NOS1AP: variants seen among roughly 807,000 people sequenced by gnomAD.
NOS1AP encodes the protein carboxyl-terminal PDZ ligand of neuronal nitric oxide synthase protein.
NOS1AP carries 21 observed loss-of-function variants against 56.2 expected under a neutral mutation model. The ratio of observed to expected loss-of-function variants is 0.37; its 90% CI spans 0.26 to 0.54. The LOEUF (loss-of-function observed/expected upper bound fraction) is 0.54, where lower values mean the gene tolerates loss of function less well. Ranked by LOEUF, NOS1AP falls within the 20% of genes least tolerant of loss-of-function variation. NOS1AP has a pLI of 0.84. For synonymous variants in NOS1AP, 270 were observed against 274.6 expected (o/e 0.98, Z 0.17); for missense variants, 522 against 657.8 (o/e 0.79, Z 2.26).
chr1:162,363,846 A>C (rs928129229), intron 8 of NOS1AP: 1 of 985,340 alleles, frequency 1.0e-6, no homozygotes, highest in African/African-American at 1.7e-5. Context: ...CTTGACCAAA[A>C]TATCAGTTCT....
chr1:162,304,780 CTGTGTGTGTGTGTGTG>C (rs3055849), intron 4 of NOS1AP, among the ~76,000 whole-genome samples: 1 of 146,092 alleles, frequency 6.8e-6, no homozygotes, highest in Non-Finnish European at 1.5e-5. Flanking sequence ...ATTTTTATAT[CTGTGTGTGTGTGTGTG>C]TGTGTGTGTG....
At chr1:162,152,384 A>C (rs1649753844) in intron 1 of NOS1AP, among the ~76,000 whole-genome samples, 1 of 152,210 alleles carries the variant, frequency 6.6e-6, no homozygotes, top group Non-Finnish European at 1.5e-5. Context: ...AGGAGCCATC[A>C]GCTGTGCAGT....
intron 2 of NOS1AP, among the ~76,000 whole-genome samples, chr1:162,160,558 C>T (rs912605740): frequency 3.0e-4 from 46 of 152,156 alleles, no homozygotes; most frequent in African/African-American, 9.4e-4. Context: ...CAGTACGCTT[C>T]GGCACGTGGT....
At chr1:162,310,168 C>T (rs1655978292) in intron 4 of NOS1AP, among the ~76,000 whole-genome samples, 1 of 152,142 alleles carries the variant, frequency 6.6e-6, no homozygotes, top group Non-Finnish European at 1.5e-5. Context: ...TTCTCCATTC[C>T]CGTTAGACTC....
intron 2 of NOS1AP, among the ~76,000 whole-genome samples, chr1:162,191,007 C>T (rs1198213767): frequency 6.6e-6 from 1 of 152,090 alleles, no homozygotes; most frequent in African/African-American, 2.4e-5. Context: ...GAAGCAATGG[C>T]TCCCTATCGT....
intron 1 of NOS1AP, among the ~76,000 whole-genome samples, chr1:162,148,322 C>A (rs189579418): frequency 1.3e-5 from 2 of 152,134 alleles, no homozygotes; most frequent in South Asian, 4.1e-4. Flanking sequence ...GTGGGAGGCA[C>A]GGTCAGCTAG....
intron 2 of NOS1AP, among the ~76,000 whole-genome samples, chr1:162,235,063 CT>C (rs1653243863): frequency 6.6e-6 from 1 of 152,112 alleles, no homozygotes; most frequent in Admixed American, 6.5e-5. Flanking sequence ...CTGAGCGTTC[CT>C]TCAGTAAATC....
At chr1:162,288,634 G>T (rs1452886319) in intron 3 of NOS1AP, among the ~76,000 whole-genome samples, 1 of 152,120 alleles carries the variant, frequency 6.6e-6, no homozygotes, top group Admixed American at 6.5e-5. Context: ...TTTCCTCTCT[G>T]GATGTTTACA....
intron 2 of NOS1AP, among the ~76,000 whole-genome samples, chr1:162,250,242 C>T (rs892954038): frequency 6.6e-6 from 1 of 152,174 alleles, no homozygotes; most frequent in African/African-American, 2.4e-5. Flanking sequence ...AGACATCCTC[C>T]TCCAAGGTGT....
At chr1:162,150,709 A>G (rs1385267291) in intron 1 of NOS1AP, among the ~76,000 whole-genome samples, 1 of 152,170 alleles carries the variant, frequency 6.6e-6, no homozygotes, top group East Asian at 1.9e-4. Context: ...TTCTCTGATA[A>G]TGATGTTGAG....
At chr1:162,290,750 G>T (rs1342567556) in intron 3 of NOS1AP, among the ~76,000 whole-genome samples, 1 of 152,172 alleles carries the variant, frequency 6.6e-6, no homozygotes, top group Non-Finnish European at 1.5e-5. Flanking sequence ...TTAGCTTGTT[G>T]ATTTTCACTA....
chr1:162,261,513 AG>A (rs1241271092), intron 2 of NOS1AP, among the ~76,000 whole-genome samples: 327 of 21,644 alleles, frequency 0.015, 128 homozygotes, highest in Non-Finnish European at 0.033. Flanking sequence ...AGAGAGAGAG[AG>A]AGAGAGAGAG....
intron 2 of NOS1AP, among the ~76,000 whole-genome samples, chr1:162,224,239 T>C (rs1652874536): frequency 6.6e-6 from 1 of 152,224 alleles, no homozygotes; most frequent in South Asian, 2.1e-4. Flanking sequence ...AAATGAGTTT[T>C]TGAGACCGTT....
intron 6 of NOS1AP, among the ~76,000 whole-genome samples, chr1:162,345,952 T>C (rs1407658048): frequency 6.6e-6 from 1 of 152,140 alleles, no homozygotes; most frequent in African/African-American, 2.4e-5. Flanking sequence ...AGATGAATGA[T>C]AGCAGAGGAG....
chr1:162,357,306 G>C, intron 8 of NOS1AP, 170 bp downstream of exon 8: 1 of 1,232,008 alleles, frequency 8.1e-7, no homozygotes, highest in African/African-American at 1.5e-5. Flanking sequence ...GGGGATAGAT[G>C]GGGGATGCAG....
intron 8 of NOS1AP, among the ~76,000 whole-genome samples, chr1:162,361,117 ACT>A (rs1350524660): frequency 6.6e-5 from 10 of 152,158 alleles, no homozygotes; most frequent in African/African-American, 1.9e-4. Flanking sequence ...GTGTCACATC[ACT>A]CTGTGCCACA....
chr1:162,145,592 T>C (rs968571894), intron 1 of NOS1AP, among the ~76,000 whole-genome samples: 1 of 152,172 alleles, frequency 6.6e-6, no homozygotes, highest in African/African-American at 2.4e-5. Context: ...ATAATCCCGC[T>C]CAGCAGGACG....
chr1:162,339,342 G>A (rs1247931163), intron 5 of NOS1AP, among the ~76,000 whole-genome samples: 1 of 151,936 alleles, frequency 6.6e-6, no homozygotes, highest in East Asian at 1.9e-4. Context: ...ACTTTTATGG[G>A]CTTATGTAAA....
intron 1 of NOS1AP, among the ~76,000 whole-genome samples, chr1:162,133,883 G>A (rs566463009): frequency 6.6e-6 from 1 of 152,084 alleles, no homozygotes; most frequent in Non-Finnish European, 1.5e-5. Context: ...AGAAGTAATC[G>A]GCATTCAACG....
Sources: gnomAD v4.1 joint callset for allele counts (sites outside exome capture counted in the v4.1 genomes callset) on GRCh38, gnomAD v4.1.1 for gene constraint, MANE v1.5 for transcripts, NCBI Gene and HGNC (gene_info 2026-07-23, HGNC 2026-07-21) for gene names.